PCDHA3: variants seen among roughly 807,000 people sequenced by gnomAD.
The protein encoded by PCDHA3 is protocadherin alpha-3.
PCDHA3 carries 41 observed loss-of-function variants against 62.2 expected under a neutral mutation model. The ratio of observed to expected loss-of-function variants is 0.66; its 90% CI spans 0.51 to 0.86. The LOEUF is 0.86. Ranked by LOEUF, PCDHA3 falls within the 40% of genes least tolerant of loss-of-function variation. The probability of loss-of-function intolerance (pLI) is 0.00; values close to 1 mark genes in which losing one functional copy is unlikely to be tolerated. For missense variants in PCDHA3, 1,304 were observed against 1,241.2 expected, an observed-to-expected ratio of 1.05 and a Z score of -0.76; for synonymous variants, 640 against 555.4, an observed-to-expected ratio of 1.15 and a Z score of -2.14.
chr5:140,820,008 T>C (rs1766668534), intron 1 of PCDHA3, among the ~76,000 whole-genome samples: 2 of 152,032 alleles, frequency 1.3e-5, no homozygotes, highest in South Asian at 4.1e-4. Context: ...CTACTATAAT[T>C]TATTCCATAG....
intron 1 of PCDHA3, chr5:140,884,544 G>T: frequency 6.2e-7 from 1 of 1,614,222 alleles, no homozygotes; most frequent in South Asian, 1.1e-5. Flanking sequence ...CCGAGGGTGT[G>T]CTCTGGGGAG....
intron 3 of PCDHA3, among the ~76,000 whole-genome samples, chr5:140,993,787 A>AT (rs1554253947): frequency 6.6e-6 from 1 of 152,196 alleles, no homozygotes; most frequent in Non-Finnish European, 1.5e-5. Context: ...GTACAGTAAC[A>AT]TGCTGTGCAG....
At chr5:140,858,197 A>G (rs782680459) in intron 1 of PCDHA3, 4 of 1,597,058 alleles carry the variant, frequency 2.5e-6, no homozygotes, top group Non-Finnish European at 2.6e-6. Flanking sequence ...GCTGCTGTAC[A>G]CTGCACTGAG....
At chr5:140,829,963 G>C (rs2150178705) in intron 1 of PCDHA3, 2 of 1,614,006 alleles carry the variant, frequency 1.2e-6, no homozygotes, top group South Asian at 1.1e-5. Context: ...CGTTTCGCGT[G>C]GGGCTGTACA....
chr5:140,987,523 T>C (rs942927324), intron 3 of PCDHA3, among the ~76,000 whole-genome samples: 1 of 152,174 alleles, frequency 6.6e-6, no homozygotes, highest in Non-Finnish European at 1.5e-5. Context: ...AGTAATTGTA[T>C]GTTCCTGGGA....
chr5:140,908,754 A>C (rs1403008536), intron 1 of PCDHA3, among the ~76,000 whole-genome samples: 1 of 152,184 alleles, frequency 6.6e-6, no homozygotes, highest in Non-Finnish European at 1.5e-5. Context: ...ACTTGCACAC[A>C]GCCTGGACGT....
intron 1 of PCDHA3, chr5:140,869,945 T>TC: frequency 6.2e-7 from 1 of 1,612,376 alleles, no homozygotes. Context: ...ACATACTCCT[T>TC]AATGTCAATT....
chr5:140,836,344 A>T, intron 1 of PCDHA3: 1 of 1,613,666 alleles, frequency 6.2e-7, no homozygotes, highest in Non-Finnish European at 8.5e-7. Context: ...GTGAAGGACC[A>T]CGGGGAGCCC....
At chr5:140,984,441 T>A (rs1554246265) in intron 3 of PCDHA3, among the ~76,000 whole-genome samples, 3 of 152,200 alleles carry the variant, frequency 2.0e-5, no homozygotes, top group Admixed American at 6.5e-5. Context: ...TCTCCCTTGT[T>A]CCCTTTCTTA....
At chr5:140,829,646 G>T (rs199727548) in intron 1 of PCDHA3, 8 of 1,612,258 alleles carry the variant, frequency 5.0e-6, no homozygotes, top group Non-Finnish European at 5.9e-6. Flanking sequence ...CAAGGTGTAC[G>T]CGCTGCAGCC....
intron 1 of PCDHA3, chr5:140,853,623 A>G: frequency 1.0e-6 from 1 of 988,442 alleles, no homozygotes; most frequent in Non-Finnish European, 1.2e-6. Context: ...AAATAAGTAT[A>G]CAAGATCACA....
intron 1 of PCDHA3, chr5:140,821,648 A>G (rs1581773155): frequency 9.2e-7 from 1 of 1,086,806 alleles, no homozygotes; most frequent in Non-Finnish European, 1.3e-6. Context: ...AGAACCTTCC[A>G]TTTTTGGCTG....
rs2150359087 is a variant in PCDHA3, at chr5:140,843,393, C to A, written c.2394+39802C>A. 46 of 1,596,052 alleles carry A rather than the reference C, an allele frequency of 2.9e-5. 2 individuals are homozygous for A. The highest frequency in any genetic ancestry group is 4.4e-5 in the South Asian group (4 of 90,510). ...TCGGCTGGCGTTTTGGGTCCGGAAG[C>A]GGCGCTGGTGGATGTCAACGTGTAC... On this transcript the variant is annotated intron_variant, in intron 1 of 3. Transcript: ENST00000522353.
rs1554178111 is a variant in PCDHA3 at position 140,883,417 on chromosome 5, A to G, written c.2394+79826A>G. On this transcript the variant is annotated intron_variant, in intron 1 of 3. Transcript: ENST00000522353. Reference sequence around the variant, plus strand: ...CCGATCGTGACTCTGGCTCAAATGGACAGGTCACCTGCACCTTGACGCCGC... The same window carrying G: ...CCGATCGTGACTCTGGCTCAAATGGGCAGGTCACCTGCACCTTGACGCCGC... 3.1e-6 allele frequency: 5 copies of G among 1,614,146 alleles called. No homozygotes were observed. The South Asian group carries it at 5.5e-5, about 18-fold the overall frequency.
intron 1 of PCDHA3, chr5:140,822,957 C>G: frequency 1.2e-6 from 2 of 1,614,262 alleles, no homozygotes; most frequent in Non-Finnish European, 1.7e-6. Flanking sequence ...ACGTTCCCTT[C>G]AAGCTGGTGT....
At chr5:140,869,313 A>G in intron 1 of PCDHA3, 1 of 1,613,732 alleles carries the variant, frequency 6.2e-7, no homozygotes, top group Non-Finnish European at 8.5e-7. Context: ...CGTCCAAAAC[A>G]CATGGGGACC....
intron 1 of PCDHA3, chr5:140,861,364 C>T (rs1581608735): frequency 2.8e-6 from 1 of 356,870 alleles, no homozygotes; most frequent in South Asian, 2.7e-5. Flanking sequence ...AGCGTCTTCG[C>T]GGTCCCTATT....
chr5:140,897,435 A>G (rs1382805623), intron 1 of PCDHA3, among the ~76,000 whole-genome samples: 1 of 147,702 alleles, frequency 6.8e-6, no homozygotes, highest in Non-Finnish European at 1.5e-5. Flanking sequence ...GAGAACATGC[A>G]GTGTTTGGTT....
intron 1 of PCDHA3, chr5:140,811,621 G>A (rs1226393558): frequency 6.6e-6 from 1 of 152,228 alleles, no homozygotes; most frequent in East Asian, 1.9e-4. Context: ...CACCAACGGT[G>A]TAAAAGCGTT....
Sources: gnomAD v4.1 joint callset for allele counts (sites outside exome capture counted in the v4.1 genomes callset) on GRCh38, gnomAD v4.1.1 for gene constraint, MANE v1.5 for transcripts, NCBI Gene and HGNC (gene_info 2026-07-23, HGNC 2026-07-21) for gene names.